Variants in R3HCC1L observed in about 807,000 individuals in gnomAD.
R3HCC1L encodes coiled-coil domain-containing protein R3HCC1L.
In R3HCC1L, 51 loss-of-function variants were observed where a neutral mutation model predicts 59.9. That is an observed-to-expected ratio of 0.85 (90% CI 0.68 to 1.07). The LOEUF is 1.07. R3HCC1L is among the 50% of genes least tolerant of loss of function. The pLI is 0.00. For missense variants in R3HCC1L, 965 were observed against 933.0 expected (o/e 1.03, Z -0.45); for synonymous variants, 322 against 315.2 (o/e 1.02, Z -0.23).
chr10:98,231,002 A>G (rs1391770324), intron 5 of R3HCC1L: 8 of 414,472 alleles, frequency 1.9e-5, no homozygotes, highest in South Asian at 1.3e-4. Context: ...ATGCCTTTGT[A>G]AGCTGTCTCC....
chr10:98,162,788 G>C (rs1847571611), intron 2 of R3HCC1L, 95 bp from the exon 3 acceptor site: 1 of 152,256 alleles, frequency 6.6e-6, no homozygotes. Flanking sequence ...GCCTCGACCT[G>C]CTGGGCTCAA....
At chr10:98,240,969 A>C (rs1322183903) in intron 9 of R3HCC1L, among the ~76,000 whole-genome samples, 1 of 152,244 alleles carries the variant, frequency 6.6e-6, no homozygotes, top group African/African-American at 2.4e-5. Flanking sequence ...TAAAATAAAT[A>C]GTACATGGTT....
At position 98,235,459 on chromosome 10, in the gene R3HCC1L, G is replaced by A; in HGVS notation, c.2067G>A (p.Val689=). 1 of 1,613,736 alleles carries A rather than the reference G, an allele frequency of 6.2e-7. No homozygotes were observed. The highest frequency in any genetic ancestry group is 8.5e-7 in the Non-Finnish European group (1 of 1,179,810). Residue 689 remains valine, a synonymous_variant, in exon 8 of 10, where the codon GTG becomes GTA. Transcript: ENST00000298999. ...CGTTGGGTATTAAACACACCATGGT[G>A]AAGATTCGTCCCTTGTCACAGGCCA... ...RDALGIKHTM[V]KIRPLSQATR...
chr10:98,210,681 T>C (rs1853464738), intron 5 of R3HCC1L, among the ~76,000 whole-genome samples: 1 of 152,176 alleles, frequency 6.6e-6, no homozygotes, highest in South Asian at 2.1e-4. Context: ...AGCACCAGTT[T>C]TATAAATGAG....
At chr10:98,150,445 TG>T (rs1357760055) in intron 1 of R3HCC1L, among the ~76,000 whole-genome samples, 2 of 152,262 alleles carry the variant, frequency 1.3e-5, no homozygotes, top group African/African-American at 2.4e-5. Context: ...CTCCCATGTT[TG>T]GATCTACTTG....
At chr10:98,166,968 A>G (rs544869520) in intron 4 of R3HCC1L, among the ~76,000 whole-genome samples, 8 of 152,042 alleles carry the variant, frequency 5.3e-5, no homozygotes, top group South Asian at 2.1e-4. Flanking sequence ...CCTGACCCCT[A>G]CTTTATAATT....
rs191060489 is a variant in R3HCC1L, at chr10:98,153,483, G to A, written c.-267-2610G>A. On this transcript the variant is annotated intron_variant, in intron 1 of 9. Coordinates refer to ENST00000298999, the MANE Select transcript of R3HCC1L (RefSeq NM_001351015.2). ...AGGGACACAAACACTGCGGAAGGCC[G>A]CAGGGTCCTCTGCCTAAGAAAACCA... is the stretch of plus-strand genomic sequence containing the variant. Among the ~76,000 whole-genome samples the A allele has an allele frequency of 1.6e-3, 244 of 152,170 alleles. 1 individual carries two copies. The highest frequency in any genetic ancestry group is 5.7e-3 in the African/African-American group (237 of 41,498).
intron 2 of R3HCC1L, among the ~76,000 whole-genome samples, chr10:98,158,282 CTT>C (rs1414443728): frequency 9.2e-5 from 14 of 152,138 alleles, no homozygotes; most frequent in African/African-American, 2.9e-4. Context: ...ATAAATGGCT[CTT>C]GAGTCGAGAA....
At chr10:98,234,371 TGAGA>T (rs1856691736) in intron 6 of R3HCC1L, 71 bp from the exon 7 acceptor site, 1 of 1,287,766 alleles carries the variant, frequency 7.8e-7, no homozygotes, top group African/African-American at 1.5e-5. Flanking sequence ...AAATGCTTTA[TGAGA>T]TTCTATTTGT....
At chr10:98,201,644 T>G (rs529364502) in intron 4 of R3HCC1L, among the ~76,000 whole-genome samples, 60 of 152,286 alleles carry the variant, frequency 3.9e-4, no homozygotes, top group South Asian at 6.2e-4. Context: ...AGTCATTGCA[T>G]TTGAACACCA....
Position 98,208,329 on chromosome 10 carries a change from A to T in R3HCC1L, c.215A>T (p.Asn72Ile). The T allele has an allele frequency of 6.2e-7, 1 of 1,614,174 alleles. No homozygotes were observed. The highest frequency in any genetic ancestry group is 8.5e-7 in the Non-Finnish European group (1 of 1,180,020). The change falls in exon 5 of 10, where the codon AAT becomes ATT. Residue 72 changes from asparagine to isoleucine, a missense_variant. Transcript: ENST00000298999. ...GACAAACCGGAGGCTCGAAGACTAA[A>T]TATCAATCCTGATAGAAAGGAGCAT... is the stretch of plus-strand genomic sequence containing the variant. ...FKDKPEARRLNINPDRKEHNC... is the reference protein window; with the variant it reads ...FKDKPEARRLIINPDRKEHNC...
intron 4 of R3HCC1L, among the ~76,000 whole-genome samples, chr10:98,192,969 C>T (rs1373002895): frequency 6.6e-6 from 1 of 152,068 alleles, no homozygotes; most frequent in Non-Finnish European, 1.5e-5. Flanking sequence ...GCAAGGATGG[C>T]TCAACATATG....
At position 98,174,844 on chromosome 10, in the gene R3HCC1L, A is replaced by G. The variant is rs148740351; in HGVS notation, c.-15+11447A>G. 9.2e-4 allele frequency: 832 copies of G among 905,154 alleles called. 4 individuals carry two copies. In the African/African-American group the frequency reaches 0.013, roughly 14 times the overall value. 56.1% of individuals were successfully genotyped at this position (905,154 alleles called of 1,614,324 possible). On this transcript the variant is annotated intron_variant, in intron 4 of 9. Transcript: ENST00000298999. ...GAAAGTCTAGAAAAAAATGTATTTTAGAAAAAATTCTTACATATTGATGTT... is the reference window on the plus strand; with the variant it reads ...GAAAGTCTAGAAAAAAATGTATTTTGGAAAAAATTCTTACATATTGATGTT...
chr10:98,165,255 ACT>A (rs1459621814), intron 4 of R3HCC1L, among the ~76,000 whole-genome samples: 2 of 152,200 alleles, frequency 1.3e-5, no homozygotes, highest in Admixed American at 6.5e-5. Flanking sequence ...ACAGAATGAG[ACT>A]CTGTCTCAAA....
chr10:98,202,555 T>C (rs982556812), intron 4 of R3HCC1L, among the ~76,000 whole-genome samples: 1 of 152,066 alleles, frequency 6.6e-6, no homozygotes, highest in Non-Finnish European at 1.5e-5. Flanking sequence ...GAGCATTCTC[T>C]TAAAAAATAG....
chr10:98,174,631 G>A, intron 4 of R3HCC1L: 3 of 985,360 alleles, frequency 3.0e-6, no homozygotes, highest in Non-Finnish European at 3.6e-6. Flanking sequence ...ACATTATCAA[G>A]GAGGGCATTT....
At chr10:98,135,957 C>G (rs1844532917) in intron 1 of R3HCC1L, among the ~76,000 whole-genome samples, 1 of 151,034 alleles carries the variant, frequency 6.6e-6, no homozygotes, top group Non-Finnish European at 1.5e-5. Context: ...AGCTTTGAGA[C>G]TAAGCAAGTT....
At chr10:98,169,035 A>G (rs1848236230) in intron 4 of R3HCC1L, among the ~76,000 whole-genome samples, 2 of 152,326 alleles carry the variant, frequency 1.3e-5, no homozygotes, top group South Asian at 2.1e-4. Flanking sequence ...GGCAAGGTGA[A>G]TGAGGAAGTT....
At chr10:98,142,170 AG>A (rs1171448578) in intron 1 of R3HCC1L, among the ~76,000 whole-genome samples, 1 of 152,178 alleles carries the variant, frequency 6.6e-6, no homozygotes, top group African/African-American at 2.4e-5. Context: ...TGAATTTGCA[AG>A]TTGGTCAATT....
Sources: allele counts gnomAD v4.1 joint callset (sites outside exome capture counted in the v4.1 genomes callset), GRCh38; gene constraint gnomAD v4.1.1; transcripts MANE v1.5; gene names NCBI Gene and HGNC (gene_info 2026-07-23, HGNC 2026-07-21).